The following CCL25 variants were observed in gnomAD, a reference collection of about 807,000 sequenced individuals.
CCL25 encodes the protein C-C motif chemokine 25.
Under a neutral mutation model 19.9 loss-of-function variants are expected in CCL25, and 14 were observed. That is an observed-to-expected ratio of 0.70 (90% confidence interval 0.47 to 1.10). The LOEUF is 1.10. Ranked by LOEUF, CCL25 falls within the 50% of genes least tolerant of loss-of-function variation. The probability of loss-of-function intolerance (pLI) is 0.00; values close to 1 mark genes in which losing one functional copy is unlikely to be tolerated. For synonymous variants in CCL25, 68 were observed against 73.2 expected (o/e 0.93, Z 0.36); for missense variants, 151 against 181.2 (o/e 0.83, Z 0.96).
At chr19:8,060,319 G>A (rs74586618) in intron 5 of CCL25, among the ~76,000 whole-genome samples, 2,522 of 152,074 alleles carry the variant, frequency 0.017, 82 homozygotes, top group African/African-American at 0.058. Context: ...TTCAGCCTGG[G>A]GGACAAAATG....
intron 5 of CCL25, among the ~76,000 whole-genome samples, chr19:8,059,703 A>G (rs2081304851): frequency 6.6e-6 from 1 of 152,116 alleles, no homozygotes; most frequent in Non-Finnish European, 1.5e-5. Flanking sequence ...ACTTGTGTTT[A>G]CCATTTTATT....
At chr19:8,058,663 TA>T (rs2081292776) in intron 5 of CCL25, among the ~76,000 whole-genome samples, 1 of 127,614 alleles carries the variant, frequency 7.8e-6, no homozygotes, top group Non-Finnish European at 1.6e-5. Flanking sequence ...ATATATTTAT[TA>T]TTATTTTTTT....
At position 8,062,264 on chromosome 19, in the gene CCL25, C is replaced by T. The variant is rs374079980; in HGVS notation, c.*39C>T. The T allele has an allele frequency of 1.1e-5, 17 of 1,611,588 alleles. No homozygotes were observed. The highest frequency in any genetic ancestry group is 4.4e-5 in the South Asian group (4 of 90,992). ...TGGGCTCCATCGGCACAGGAGGGGC[C>T]GGATCTTTCTCCGATAAAACCGTCG... On this transcript the variant is annotated 3_prime_UTR_variant, in exon 6 of 6. Transcript: ENST00000315626.
intron 5 of CCL25, among the ~76,000 whole-genome samples, chr19:8,059,373 A>G (rs1173172960): frequency 2.7e-5 from 4 of 150,012 alleles, no homozygotes; most frequent in Admixed American, 2.0e-4. Flanking sequence ...TAATTTTCAT[A>G]TATTTATTAG....
chr19:8,062,323 T>A lies in CCL25; in HGVS notation c.*98T>A. The stretch of plus-strand genomic sequence containing the variant: ...ACCCAGCTGTCCCCACGCCTCTGTC[T>A]TTTGGGTCAAGTCTTAATCCCTGCA... On this transcript the variant is annotated 3_prime_UTR_variant, in exon 6 of 6. Coordinates refer to ENST00000315626, the MANE Select transcript of CCL25 (RefSeq NM_005624.4). 2 of 1,377,938 alleles carry A rather than the reference T, an allele frequency of 1.5e-6. No homozygotes were observed. Among genetic ancestry groups the A allele is most frequent in the Non-Finnish European group, 2.1e-6 (2 of 968,646 alleles). 85.4% of individuals were successfully genotyped at this position (1,377,938 alleles called of 1,614,324 possible). A position where few individuals can be genotyped will look rare whatever the true frequency, so the allele number is the denominator to read the frequency against.
chr19:8,055,178 A>C (rs1244734152), intron 2 of CCL25, among the ~76,000 whole-genome samples: 52 of 127,850 alleles, frequency 4.1e-4, no homozygotes, highest in African/African-American at 1.5e-3. Flanking sequence ...AATCCCAGCT[A>C]CTCGGGAGGC....
At position 8,059,090 on chromosome 19, in the gene CCL25, TATA is replaced by T. The variant is rs1285060538; in HGVS notation, c.445+1173_445+1175del. Among the ~76,000 whole-genome samples, 220 of 109,280 alleles carry T rather than the reference TATA, an allele frequency of 2.0e-3. 2 individuals are homozygous for T. Among genetic ancestry groups the T allele is most frequent in the African/African-American group, 6.5e-3 (200 of 30,924 alleles). The allele number at this position is 109,280 out of a possible 152,430, so 71.7% of individuals were successfully genotyped here. A position where few individuals can be genotyped will look rare whatever the true frequency, so the allele number is the denominator to read the frequency against. On this transcript the variant is annotated intron_variant, in intron 5 of 5. Transcript: ENST00000315626. ...TATAATATATAATATATATAATATA[TATA>T]ATGTATATATTTATATATAATATAT...
At position 8,056,076 on chromosome 19, in the gene CCL25, G is replaced by A. The variant is rs1417122843; in HGVS notation, c.74-76G>A. The A allele has an allele frequency of 4.7e-5, 45 of 950,400 alleles. 1 individual carries two copies. The East Asian group carries it at 1.1e-3, about 23-fold the overall frequency. 58.9% of individuals were successfully genotyped at this position (950,400 alleles called of 1,614,324 possible). ...GTATGAGCAGACAGGTATGCAGACA[G>A]GTGCCCTTGCCTGTGGCTGGCCCTG... On this transcript the variant is annotated intron_variant, in intron 2 of 5. Coordinates refer to ENST00000315626, the MANE Select transcript of CCL25 (RefSeq NM_005624.4).
chr19:8,060,834 C>T (rs1301354133), intron 5 of CCL25, among the ~76,000 whole-genome samples: 2 of 151,902 alleles, frequency 1.3e-5, no homozygotes, highest in East Asian at 1.9e-4. Context: ...GCGCCCGCCA[C>T]CACGCCTGGC....
At chr19:8,054,372 A>G (rs2081253721) in intron 2 of CCL25, among the ~76,000 whole-genome samples, 1 of 152,170 alleles carries the variant, frequency 6.6e-6, no homozygotes, top group African/African-American at 2.4e-5. Flanking sequence ...CCTGCCTGGC[A>G]CTGCAGTCCG....
chr19:8,058,297 T>G (rs894198344), intron 5 of CCL25, among the ~76,000 whole-genome samples: 1 of 137,190 alleles, frequency 7.3e-6, no homozygotes, highest in South Asian at 2.1e-4. Context: ...ATATAATATA[T>G]AAACATATAT....
chr19:8,057,290 G>A (rs2081279670), intron 4 of CCL25, among the ~76,000 whole-genome samples: 2 of 151,396 alleles, frequency 1.3e-5, no homozygotes, highest in African/African-American at 4.9e-5. Context: ...AAAGCACTGG[G>A]ATTATAGGCA....
intron 5 of CCL25, among the ~76,000 whole-genome samples, 172 bp from the exon 6 acceptor site, chr19:8,062,046 C>CAAAA (rs34907151): frequency 1.4e-3 from 85 of 60,506 alleles, no homozygotes; most frequent in African/African-American, 5.3e-3. Context: ...GAGACTGTCT[C>CAAAA]AAAAAAAAAA....
intron 5 of CCL25, among the ~76,000 whole-genome samples, chr19:8,060,426 G>A (rs898330742): frequency 3.3e-5 from 5 of 152,128 alleles, no homozygotes; most frequent in African/African-American, 9.7e-5. Context: ...GACTGGAAGG[G>A]ACTCAAGTGT....
At position 8,062,322 on chromosome 19, in the gene CCL25, C is replaced by T. The variant is rs965151031; in HGVS notation, c.*97C>T. On this transcript the variant is annotated 3_prime_UTR_variant, in exon 6 of 6. Coordinates refer to ENST00000315626, the MANE Select transcript of CCL25 (RefSeq NM_005624.4). ...GACCCAGCTGTCCCCACGCCTCTGT[C>T]TTTTGGGTCAAGTCTTAATCCCTGC... is the stretch of plus-strand genomic sequence containing the variant. 2.9e-6 allele frequency: 4 copies of T among 1,381,104 alleles called. No homozygotes were observed. Among genetic ancestry groups the T allele is most frequent in the African/African-American group, 1.4e-5 (1 of 70,372 alleles). The allele number at this position is 1,381,104 out of a possible 1,614,324, so 85.6% of individuals were successfully genotyped here.
Position 8,057,840 on chromosome 19 carries a change from C to T in CCL25, c.365C>T (p.Ser122Phe). 5 of 1,613,452 alleles carry T rather than the reference C, an allele frequency of 3.1e-6. No individual in the cohort carries two copies. The highest frequency in any genetic ancestry group is 4.2e-6 in the Non-Finnish European group (5 of 1,179,548). The change falls in exon 5 of 6, where the codon TCC becomes TTC. Residue 122 changes from serine to phenylalanine, a missense_variant. Coordinates refer to ENST00000315626, the MANE Select transcript of CCL25 (RefSeq NM_005624.4). The part of the protein sequence containing the change: ...HAVKKLSSGN[S>F]KLSSSKFSNP... The stretch of plus-strand genomic sequence containing the variant: ...GTAAAGAAGTTGAGTTCTGGAAACT[C>T]CAAGTTATCATCGTCCAAGTTTAGC...
chr19:8,054,412 C>A (rs1279687871), intron 2 of CCL25, among the ~76,000 whole-genome samples: 2 of 152,210 alleles, frequency 1.3e-5, no homozygotes, highest in Non-Finnish European at 2.9e-5. Flanking sequence ...TGCCCCTTGC[C>A]CTCAGAGGCC....
In CCL25 at chr19:8,062,338, T is replaced by A; in HGVS notation, c.*113T>A. On this transcript the variant is annotated 3_prime_UTR_variant, in exon 6 of 6. Transcript: ENST00000315626. ...CGCCTCTGTCTTTTGGGTCAAGTCT[T>A]AATCCCTGCACCTGAGTTGGTCCTC... The A allele has an allele frequency of 2.5e-6, 3 of 1,197,052 alleles. No individual in the cohort carries two copies. The highest frequency in any genetic ancestry group is 1.5e-5 in the African/African-American group (1 of 66,904). 74.2% of individuals were successfully genotyped at this position (1,197,052 alleles called of 1,614,324 possible). A position where few individuals can be genotyped will look rare whatever the true frequency, so the allele number is the denominator to read the frequency against.
At chr19:8,057,126 T>C (rs2081278016) in intron 4 of CCL25, among the ~76,000 whole-genome samples, 1 of 144,914 alleles carries the variant, frequency 6.9e-6, no homozygotes, top group Non-Finnish European at 1.5e-5. Context: ...ATTCAAGCGA[T>C]TCTCCCGCCT....
Sources: allele counts gnomAD v4.1 joint callset (sites outside exome capture counted in the v4.1 genomes callset), GRCh38; gene constraint gnomAD v4.1.1; transcripts MANE v1.5; gene names NCBI Gene and HGNC (gene_info 2026-07-23, HGNC 2026-07-21).